The following RECQL5 variants were observed in gnomAD, a reference collection of about 807,000 sequenced individuals.
RECQL5 encodes ATP-dependent DNA helicase Q5.
In RECQL5, 88 loss-of-function variants were observed where a neutral mutation model predicts 103.4. That is an observed-to-expected ratio of 0.85 (90% CI 0.72 to 1.02). The LOEUF (loss-of-function observed/expected upper bound fraction) is 1.02, where lower values mean the gene tolerates loss of function less well. RECQL5 is among the 50% of genes least tolerant of loss of function. The pLI is 0.00. For missense variants in RECQL5, 1,232 were observed against 1,284.3 expected (o/e 0.96, Z 0.62); for synonymous variants, 552 against 507.9 (o/e 1.09, Z -1.17).
At chr17:75,651,353 G>A (rs2059553383) in intron 7 of RECQL5, 88 bp from the exon 8 acceptor site, 2 of 1,469,112 alleles carry the variant, frequency 1.4e-6, no homozygotes, top group Non-Finnish European at 1.9e-6. Flanking sequence ...CGAGTGCGGT[G>A]GCTCACGGCT....
Position 75,662,710 on chromosome 17 carries a change from G to A in RECQL5, c.540C>T (p.Arg180=). 6.2e-7 allele frequency: 1 copy of A among 1,614,070 alleles called. No homozygotes were observed. Among genetic ancestry groups the A allele is most frequent in the Non-Finnish European group, 8.5e-7 (1 of 1,180,042 alleles). ...RPDYLRLGAL[R]SRLGHAPCVA... is the part of the protein sequence containing the mutation. ...CACAAGGGGCATGTCCCAGGCGGGA[G>A]CGCAGGGCACCCAGACGCAAGTAGT... Residue 180 remains arginine, a synonymous_variant, in exon 4 of 20, where the codon CGC becomes CGT. Coordinates refer to ENST00000317905, the MANE Select transcript of RECQL5 (RefSeq NM_004259.7).
rs954478947 is a variant in RECQL5 at position 75,667,122 on chromosome 17, C to T, written c.-93G>A. On this transcript the variant is annotated 5_prime_UTR_variant, in exon 1 of 20. Coordinates refer to ENST00000317905, the MANE Select transcript of RECQL5 (RefSeq NM_004259.7). The stretch of plus-strand genomic sequence containing the variant: ...CTGTTCGAAGACCCCTATACACAAC[C>T]CCAACTCAGAGAAGCCAAAGCGCTG... 7.7e-6 allele frequency: 4 copies of T among 520,756 alleles called. No homozygotes were observed. Among genetic ancestry groups the T allele is most frequent in the African/African-American group, 7.7e-5 (4 of 52,086 alleles). The allele number at this position is 520,756 out of a possible 1,614,324, so 32.3% of individuals were successfully genotyped here.
At chr17:75,633,886 G>T in intron 8 of RECQL5, 1 of 992,146 alleles carries the variant, frequency 1.0e-6, no homozygotes, top group African/African-American at 1.7e-5. Flanking sequence ...GAGGAGGAAG[G>T]AGGAGGAGAG....
At chr17:75,666,694 T>C in intron 1 of RECQL5, 123 bp from the exon 2 acceptor site, 1 of 953,350 alleles carries the variant, frequency 1.0e-6, no homozygotes. Context: ...TGTATTATTT[T>C]TAAGTAATAA....
rs768340637 is a variant in RECQL5 at position 75,629,428 on chromosome 17, C to T, written c.1995G>A (p.Pro665=). ...CCATCAGTTCCGTGGCCGTCTGGAA[C>T]GGGCAGGAGCCTTTGGGGAAACCAG... ...VGAGFPKGSC[P]FQTATELMET... is the part of the protein sequence containing the mutation. Residue 665 remains proline, a synonymous_variant, in exon 16 of 20, where the codon CCG becomes CCA. Transcript: ENST00000317905. 5.4e-5 allele frequency: 81 copies of T among 1,505,182 alleles called. No individual in the cohort carries two copies. Among genetic ancestry groups the T allele is most frequent in the Middle Eastern group, 1.8e-4 (1 of 5,582 alleles). The allele number at this position is 1,505,182 out of a possible 1,614,324, so 93.2% of individuals were successfully genotyped here.
intron 8 of RECQL5, among the ~76,000 whole-genome samples, chr17:75,632,160 C>T (rs1482536555): frequency 3.3e-5 from 5 of 152,244 alleles, no homozygotes; most frequent in Non-Finnish European, 5.9e-5. Context: ...AATGACTGCA[C>T]AGCCAATGGT....
At position 75,629,409 on chromosome 17, in the gene RECQL5, G is replaced by C. The variant is rs756488718; in HGVS notation, c.2014C>G (p.Leu672Val). 1 of 1,506,858 alleles carries C rather than the reference G, an allele frequency of 6.6e-7. No individual in the cohort carries two copies. The highest frequency in any genetic ancestry group is 2.3e-5 in the East Asian group (1 of 43,614). 93.3% of individuals were successfully genotyped at this position (1,506,858 alleles called of 1,614,324 possible). ...TCCCTGATCCGAGTTGTCTCCATCA[G>C]TTCCGTGGCCGTCTGGAACGGGCAG... ...GSCPFQTATE[L>V]METTRIREQA... Residue 672 changes from leucine to valine, a missense_variant, in exon 16 of 20, where the codon CTG becomes GTG. Leu to Val is a conservative substitution (Grantham distance 32). Transcript: ENST00000317905.
chr17:75,657,208 A>T (rs889285092), intron 7 of RECQL5, among the ~76,000 whole-genome samples: 1 of 152,122 alleles, frequency 6.6e-6, no homozygotes, highest in African/African-American at 2.4e-5. Context: ...GTCTCTACAA[A>T]ACAAACAAAC....
rs909064134 is a variant in RECQL5 at position 75,636,467 on chromosome 17, C to G, written c.1230-4799G>C. On this transcript the variant is annotated intron_variant, in intron 8 of 19. Coordinates refer to ENST00000317905, the MANE Select transcript of RECQL5 (RefSeq NM_004259.7). This position sits in a 1 kb window ranked among gnomAD's most constrained non-coding sequence, Gnocchi z 5.4. ...GGAAGGGAAAGGGGAGGAGAGGTGG[C>G]CAGCCTCAGAGCTCCCATGTTCCCC... 1 of 152,228 alleles carries G rather than the reference C, an allele frequency of 6.6e-6. No homozygotes were observed. Among genetic ancestry groups the G allele is most frequent in the Non-Finnish European group, 1.5e-5 (1 of 68,060 alleles). 9.4% of individuals were successfully genotyped at this position (152,228 alleles called of 1,614,324 possible). A position where few individuals can be genotyped will look rare whatever the true frequency, so the allele number is the denominator to read the frequency against.
chr17:75,650,631 T>C, intron 8 of RECQL5: 1 of 1,613,172 alleles, frequency 6.2e-7, no homozygotes, highest in Non-Finnish European at 8.5e-7. Context: ...GTGTCTCTCC[T>C]GCAGGCACTC....
intron 13 of RECQL5, 61 bp downstream of exon 13, chr17:75,630,558 T>A: frequency 6.4e-7 from 1 of 1,558,302 alleles, no homozygotes. Flanking sequence ...GACAGGGTCC[T>A]GCAGTCTCCA....
At chr17:75,658,643 GCTTAGAGGCCA>G (rs1415657815) in intron 6 of RECQL5, among the ~76,000 whole-genome samples, 183 bp from the exon 7 acceptor site, 2 of 152,138 alleles carry the variant, frequency 1.3e-5, no homozygotes, top group African/African-American at 2.4e-5. Flanking sequence ...AAGCAGCCCA[GCTTAGAGGCCA>G]CAGCAGGAGT....
At chr17:75,644,701 C>T (rs1161705271) in intron 8 of RECQL5, among the ~76,000 whole-genome samples, 1 of 152,102 alleles carries the variant, frequency 6.6e-6, no homozygotes, top group African/African-American at 2.4e-5. Flanking sequence ...TGGTGGCACA[C>T]GCCTGTGATC....
intron 8 of RECQL5, chr17:75,647,866 A>C (rs1409897024): frequency 3.3e-6 from 1 of 299,960 alleles, no homozygotes; most frequent in Non-Finnish European, 6.5e-6. Context: ...GGAAGGAGCT[A>C]TGGCTAACAA....
At chr17:75,634,003 C>T (rs1027012642) in intron 8 of RECQL5, 13 of 985,412 alleles carry the variant, frequency 1.3e-5, no homozygotes, top group African/African-American at 1.2e-4. Flanking sequence ...GGCTCCCCCT[C>T]GCGACGGTAA....
intron 8 of RECQL5, among the ~76,000 whole-genome samples, chr17:75,635,617 T>C (rs2059306642): frequency 6.6e-6 from 1 of 152,030 alleles, no homozygotes; most frequent in African/African-American, 2.4e-5. Context: ...GTGCCACAAA[T>C]AGGGGCATCC....
intron 8 of RECQL5, among the ~76,000 whole-genome samples, chr17:75,641,934 T>C (rs1016111108): frequency 6.6e-6 from 1 of 152,190 alleles, no homozygotes; most frequent in Admixed American, 6.5e-5. Context: ...ATCCTGGTAC[T>C]GCTTCCTGGG....
At chr17:75,649,228 G>C (rs183362276) in intron 8 of RECQL5, 1 of 152,336 alleles carries the variant, frequency 6.6e-6, no homozygotes, top group Admixed American at 6.5e-5. Flanking sequence ...AAGATGCCGA[G>C]GCCTCAAGCT....
At chr17:75,647,524 T>C in intron 8 of RECQL5, 2 of 1,550,344 alleles carry the variant, frequency 1.3e-6, no homozygotes, top group Non-Finnish European at 1.7e-6. Flanking sequence ...TTTACTCACT[T>C]CCACAGAAAA....
Sources: gnomAD v4.1 joint callset for allele counts (sites outside exome capture counted in the v4.1 genomes callset) on GRCh38, gnomAD v4.1.1 for gene constraint, Gnocchi (gnomAD v3.1) non-coding constraint, MANE v1.5 for transcripts, NCBI Gene and HGNC (gene_info 2026-07-23, HGNC 2026-07-21) for gene names.